The following UGGT2 variants were observed in gnomAD, a reference collection of about 807,000 sequenced individuals.
The protein encoded by UGGT2 is UDP-glucose:glycoprotein glucosyltransferase 2.
UGGT2 carries 180 observed loss-of-function variants against 192.1 expected under a neutral mutation model. That is an observed-to-expected ratio of 0.94 (90% CI 0.83 to 1.06). The LOEUF (loss-of-function observed/expected upper bound fraction) is 1.06, where lower values mean the gene tolerates loss of function less well. UGGT2 is among the 50% of genes least tolerant of loss of function. The pLI is 0.00. For missense variants in UGGT2, 1,849 were observed against 1,795.7 expected (o/e 1.03, Z -0.54); for synonymous variants, 580 against 591.0 (o/e 0.98, Z 0.27).
chr13:96,033,389 G>A (rs888437932), intron 1 of UGGT2, among the ~76,000 whole-genome samples: 1 of 152,088 alleles, frequency 6.6e-6, no homozygotes, highest in African/African-American at 2.4e-5. Context: ...TTCTGAGTTG[G>A]TAGGGTGGAG....
chr13:95,967,566 C>G (rs1011144343), intron 12 of UGGT2, among the ~76,000 whole-genome samples: 1 of 146,050 alleles, frequency 6.8e-6, no homozygotes, highest in Non-Finnish European at 1.5e-5. Context: ...CTCCACCTCT[C>G]AGGTTCAAGC....
chr13:95,986,336 G>A lies in UGGT2; in HGVS notation c.1028C>T (p.Ala343Val). Reference sequence around the variant, plus strand: ...AAACCTATAAACTTTAACATACCTGGCTTTTATGGGGAAGTTCTGTGAAAT... The same window carrying A: ...AAACCTATAAACTTTAACATACCTGACTTTTATGGGGAAGTTCTGTGAAAT... The part of the protein sequence containing the change: ...KDISQNFPIK[A>V]RSLTRIAVNQ... Residue 343 changes from alanine to valine, a missense_variant, in exon 9 of 39, where the codon GCC becomes GTC. Transcript: ENST00000376747. The A allele has an allele frequency of 1.3e-6, 2 of 1,577,218 alleles. No homozygotes were observed. Among genetic ancestry groups the A allele is most frequent in the Non-Finnish European group, 8.7e-7 (1 of 1,149,026 alleles).
Position 95,837,184 on chromosome 13 carries a change from T to A in UGGT2, c.4303A>T (p.Ile1435Phe). Reference protein sequence around the residue: ...NLDQDLPNNMIYQVAIKSLPQ... With the variant: ...NLDQDLPNNMFYQVAIKSLPQ... The stretch of plus-strand genomic sequence containing the variant: ...AGAGACTTAATGGCGACTTGGTAAA[T>A]CATATTATTGGGGAGATCCTACAGA... Residue 1435 changes from isoleucine to phenylalanine, a missense_variant, in exon 37 of 39, where the codon ATT becomes TTT. Transcript: ENST00000376747. 3.7e-6 allele frequency: 6 copies of A among 1,613,410 alleles called. No individual in the cohort carries two copies. The highest frequency in any genetic ancestry group is 5.1e-6 in the Non-Finnish European group (6 of 1,179,458).
In UGGT2 at chr13:96,019,127, G is replaced by C. The variant is rs701524; in HGVS notation, c.485+3913C>G. ...ATTAACTTTGCCCTACATAGCGGGGGGGGGGGGGGGGAATGTTTCTGTCAG... is the reference window on the plus strand; with the variant it reads ...ATTAACTTTGCCCTACATAGCGGGGCGGGGGGGGGGGAATGTTTCTGTCAG... On this transcript the variant is annotated intron_variant, in intron 4 of 38. Transcript: ENST00000376747. 6.6e-3 allele frequency among the ~76,000 whole-genome samples: 826 copies of C among 125,062 alleles called. 26 individuals are homozygous for C. The highest frequency in any genetic ancestry group is 0.012 in the Middle Eastern group (3 of 256). The allele number at this position is 125,062 out of a possible 152,430, so 82.0% of individuals were successfully genotyped here.
intron 5 of UGGT2, among the ~76,000 whole-genome samples, chr13:96,001,598 C>G (rs1490998351): frequency 6.6e-6 from 1 of 152,124 alleles, no homozygotes; most frequent in Non-Finnish European, 1.5e-5. Flanking sequence ...ATGGGCATAG[C>G]TCCCCAGGGG....
At chr13:95,955,354 A>C (rs902320840) in intron 12 of UGGT2, among the ~76,000 whole-genome samples, 1 of 152,216 alleles carries the variant, frequency 6.6e-6, no homozygotes, top group Non-Finnish European at 1.5e-5. Context: ...AAGTTGCAAT[A>C]GGCCAAAAAG....
At chr13:95,882,159 T>G (rs1402182884) in intron 27 of UGGT2, among the ~76,000 whole-genome samples, 2 of 152,014 alleles carry the variant, frequency 1.3e-5, no homozygotes, top group Non-Finnish European at 2.9e-5. Context: ...CCACCCACGT[T>G]GGCCTGCCAA....
chr13:95,892,263 C>T (rs1205225768), intron 24 of UGGT2, among the ~76,000 whole-genome samples: 2 of 152,104 alleles, frequency 1.3e-5, no homozygotes, highest in Non-Finnish European at 2.9e-5. Context: ...TCTGATTATA[C>T]ATGTACAAGA....
chr13:95,999,771 A>G (rs2051739975), intron 5 of UGGT2, among the ~76,000 whole-genome samples: 2 of 152,104 alleles, frequency 1.3e-5, no homozygotes, highest in African/African-American at 4.8e-5. Flanking sequence ...GTGGCAAAGG[A>G]GACAAAAAAA....
intron 2 of UGGT2, among the ~76,000 whole-genome samples, chr13:96,026,140 A>T (rs2052657433): frequency 6.6e-6 from 1 of 152,180 alleles, no homozygotes; most frequent in Non-Finnish European, 1.5e-5. Context: ...ACACAGAATG[A>T]TCAGCATTGC....
chr13:95,927,365 A>C, intron 17 of UGGT2, 29 bp from the exon 18 acceptor site: 1 of 1,562,882 alleles, frequency 6.4e-7, no homozygotes, highest in Non-Finnish European at 8.6e-7. Flanking sequence ...TATTTAGATA[A>C]TACAGGCAAT....
chr13:95,932,345 G>A (rs2049314689), intron 17 of UGGT2, among the ~76,000 whole-genome samples: 1 of 150,372 alleles, frequency 6.7e-6, no homozygotes, highest in South Asian at 2.1e-4. Context: ...GTGTGTGTGT[G>A]TGTGTGTATG....
chr13:95,900,782 G>A, intron 22 of UGGT2, 25 bp downstream of exon 22: 1 of 1,595,840 alleles, frequency 6.3e-7, no homozygotes, highest in South Asian at 1.1e-5. Flanking sequence ...ACTGAGAAAA[G>A]AGAGCAATAG....
At chr13:95,940,535 C>T (rs945304410) in intron 15 of UGGT2, among the ~76,000 whole-genome samples, 1 of 149,026 alleles carries the variant, frequency 6.7e-6, no homozygotes, top group African/African-American at 2.5e-5. Flanking sequence ...CTCACTGCAG[C>T]TTCAACCTCC....
intron 22 of UGGT2, among the ~76,000 whole-genome samples, chr13:95,896,308 T>C (rs1398781620): frequency 1.3e-5 from 2 of 152,106 alleles, no homozygotes; most frequent in Admixed American, 6.6e-5. Flanking sequence ...GGTGACTAAC[T>C]GGGATTTTGG....
chr13:95,880,826 C>T (rs2047470797), intron 27 of UGGT2, among the ~76,000 whole-genome samples: 1 of 152,110 alleles, frequency 6.6e-6, no homozygotes. Context: ...TTAATCTCTA[C>T]TGTGCTTAAT....
At chr13:95,812,148 T>C (rs935564136) in intron 38 of UGGT2, among the ~76,000 whole-genome samples, 4 of 152,162 alleles carry the variant, frequency 2.6e-5, no homozygotes, top group African/African-American at 7.2e-5. Flanking sequence ...AAGCACAAAA[T>C]AGCCACAGAT....
In UGGT2 at chr13:95,977,764, T is replaced by C. The variant is rs145660579; in HGVS notation, c.1093-5093A>G. On this transcript the variant is annotated intron_variant, in intron 10 of 38. Coordinates refer to ENST00000376747, the MANE Select transcript of UGGT2 (RefSeq NM_020121.4). ...ACACGTATGTTTATTGCAGCATTAT[T>C]TACAACAGCAAAGACTTGGAACCAA... 9.3e-3 allele frequency among the ~76,000 whole-genome samples: 1,416 copies of C among 152,262 alleles called. 24 individuals are homozygous for C. Among genetic ancestry groups the C allele is most frequent in the African/African-American group, 0.033 (1,351 of 41,530 alleles).
At position 96,016,749 on chromosome 13, in the gene UGGT2, C is replaced by A. The variant is rs182029112; in HGVS notation, c.486-3268G>T. Among the ~76,000 whole-genome samples the A allele has an allele frequency of 5.2e-4, 79 of 152,334 alleles. 1 individual carries two copies. Among genetic ancestry groups the A allele is most frequent in the African/African-American group, 1.8e-3 (74 of 41,584 alleles). On this transcript the variant is annotated intron_variant, in intron 4 of 38. Coordinates refer to ENST00000376747, the MANE Select transcript of UGGT2 (RefSeq NM_020121.4). ...TGGGGTTGGAACGCCCACACAGAGT[C>A]CCCACCTGGATACTGCCTAGTGGAG...
Sources: allele counts gnomAD v4.1 joint callset (sites outside exome capture counted in the v4.1 genomes callset), GRCh38; gene constraint gnomAD v4.1.1; transcripts MANE v1.5; gene names NCBI Gene and HGNC (gene_info 2026-07-23, HGNC 2026-07-21).